ANPEP: variants seen among roughly 807,000 people sequenced by gnomAD.
ANPEP encodes alanyl aminopeptidase, membrane, also known as aminopeptidase N.
In ANPEP, 70 loss-of-function variants were observed where a neutral mutation model predicts 114.6. The ratio of observed to expected loss-of-function variants is 0.61; its 90% CI spans 0.50 to 0.75. The LOEUF is 0.75. Among genes scored for constraint, ANPEP ranks in the 30% least tolerant of loss-of-function variants. The pLI, the probability that ANPEP is intolerant of heterozygous loss-of-function variation, is 0.00. For synonymous variants in ANPEP, 548 were observed against 522.3 expected, an observed-to-expected ratio of 1.05 and a Z score of -0.67; for missense variants, 1,184 against 1,259.5, an observed-to-expected ratio of 0.94 and a Z score of 0.91.
At position 89,806,616 on chromosome 15, in the gene ANPEP, A is replaced by G. The variant is rs1426609253; in HGVS notation, c.-33T>C. On this transcript the variant is annotated 5_prime_UTR_variant, in exon 2 of 21. Transcript: ENST00000300060. This position sits in a 1 kb window ranked among gnomAD's most constrained non-coding sequence, Gnocchi z 5.7. ...GTGGGGAGGCGGCTCAGGGAGCCTC[A>G]GGCCAGGCAGAGAACGGAGCAGCCC... 6.5e-7 allele frequency: 1 copy of G among 1,540,146 alleles called. No homozygotes were observed. The highest frequency in any genetic ancestry group is 2.3e-5 in the East Asian group (1 of 43,016).
intron 20 of ANPEP, among the ~76,000 whole-genome samples, chr15:89,788,388 T>G (rs1308560020): frequency 6.6e-6 from 1 of 152,208 alleles, no homozygotes; most frequent in Non-Finnish European, 1.5e-5. Context: ...TGTGTGTATA[T>G]GATTCCATTT....
chr15:89,801,713 T>C (rs1338236399), intron 10 of ANPEP, 106 bp from the exon 11 acceptor site: 4 of 1,319,846 alleles, frequency 3.0e-6, no homozygotes, highest in Non-Finnish European at 4.2e-6. Flanking sequence ...GCCACTTGTA[T>C]GGGAGGCCTG....
intron 1 of ANPEP, among the ~76,000 whole-genome samples, chr15:89,810,320 A>G (rs936487333): frequency 7.2e-5 from 11 of 152,290 alleles, no homozygotes; most frequent in African/African-American, 2.6e-4. Context: ...CAGAGGTTGC[A>G]GTGAGCCGAG....
chr15:89,790,832 G>A, intron 19 of ANPEP, 121 bp downstream of exon 19: 6 of 1,302,952 alleles, frequency 4.6e-6, no homozygotes, highest in South Asian at 1.4e-5. Context: ...CTAGCCCCCA[G>A]GCTTGGCTGA....
Position 89,790,561 on chromosome 15 carries a change from T to C in ANPEP, c.2670-20A>G. ...CCATAACTGCAGGGAGGGAGAGAGG[T>C]GAACTGTGAGGGAGGCCGGGAACTA... is the stretch of plus-strand genomic sequence containing the variant. On this transcript the variant is annotated intron_variant, in intron 19 of 20. Transcript: ENST00000300060. 6.2e-7 allele frequency: 1 copy of C among 1,607,528 alleles called. No homozygotes were observed. Among genetic ancestry groups the C allele is most frequent in the African/African-American group, 1.3e-5 (1 of 74,648 alleles).
chr15:89,793,073 G>A lies in ANPEP; in HGVS notation c.2211C>T (p.Thr737=). ...TTTCTGGGATCTCCCTCCAGTTGTT[G>A]GTATTATTTCTGAAGTGAATGAAGA... ...TPLFIHFRNN[T]NNWREIPENL... The change falls in exon 16 of 21, where the codon ACC becomes ACT. Residue 737 remains threonine, a synonymous_variant. Coordinates refer to ENST00000300060, the MANE Select transcript of ANPEP (RefSeq NM_001150.3). The A allele has an allele frequency of 6.2e-7, 1 of 1,614,092 alleles. No homozygotes were observed. Among genetic ancestry groups the A allele is most frequent in the Non-Finnish European group, 8.5e-7 (1 of 1,179,966 alleles).
intron 1 of ANPEP, among the ~76,000 whole-genome samples, chr15:89,813,957 A>G (rs1359610525): frequency 7.1e-6 from 1 of 140,296 alleles, no homozygotes; most frequent in Admixed American, 6.8e-5. Context: ...CCCAGGACAT[A>G]GCCCACCTGG....
chr15:89,791,975 A>T (rs1012536642), intron 18 of ANPEP, among the ~76,000 whole-genome samples, 185 bp downstream of exon 18: 1 of 152,220 alleles, frequency 6.6e-6, no homozygotes, highest in Admixed American at 6.5e-5. Flanking sequence ...CCCAGACCTG[A>T]GTCCATATCT....
chr15:89,797,520 C>T (rs1968752059), intron 15 of ANPEP, 55 bp downstream of exon 15: 3 of 1,570,398 alleles, frequency 1.9e-6, no homozygotes, highest in Non-Finnish European at 2.6e-6. Context: ...CCTAATAGTG[C>T]ACTTTCAGGC....
chr15:89,810,254 C>T (rs1356272906), intron 1 of ANPEP, among the ~76,000 whole-genome samples: 2 of 152,074 alleles, frequency 1.3e-5, no homozygotes, highest in African/African-American at 4.8e-5. Context: ...TAGCAGGTGC[C>T]CGTAATCCCA....
intron 12 of ANPEP, among the ~76,000 whole-genome samples, chr15:89,800,523 G>A (rs1260592480): frequency 6.6e-6 from 1 of 151,070 alleles, no homozygotes; most frequent in Non-Finnish European, 1.5e-5. Flanking sequence ...CATGTGCCAG[G>A]CACTACTTTA....
At chr15:89,809,363 C>G (rs1365378026) in intron 1 of ANPEP, among the ~76,000 whole-genome samples, 1 of 152,230 alleles carries the variant, frequency 6.6e-6, no homozygotes, top group Non-Finnish European at 1.5e-5. Context: ...AGAAAGAGGC[C>G]CTGCCTGGCC....
intron 17 of ANPEP, 61 bp downstream of exon 17, chr15:89,792,391 G>C (rs906744139): frequency 2.5e-6 from 4 of 1,612,926 alleles, no homozygotes; most frequent in Non-Finnish European, 2.5e-6. Context: ...GGGTTCTGCT[G>C]AGGACGGGGC....
At position 89,806,764 on chromosome 15, in the gene ANPEP, A is replaced by G; in HGVS notation, c.-181T>C. Reference sequence around the variant, plus strand: ...GCAGGGGCACGCTCCGCCTGGGGAGAGGAGATCCAGGAACGGTGTGTGGAG... The same window carrying G: ...GCAGGGGCACGCTCCGCCTGGGGAGGGGAGATCCAGGAACGGTGTGTGGAG... On this transcript the variant is annotated 5_prime_UTR_variant, in exon 2 of 21. Coordinates refer to ENST00000300060, the MANE Select transcript of ANPEP (RefSeq NM_001150.3). The surrounding 1 kb of genome is among the most constrained non-coding windows in gnomAD (Gnocchi z 5.7). 1.0e-6 allele frequency: 1 copy of G among 957,072 alleles called. No individual in the cohort carries two copies. Among genetic ancestry groups the G allele is most frequent in the Non-Finnish European group, 1.5e-6 (1 of 670,682 alleles). The allele number at this position is 957,072 out of a possible 1,614,324, so 59.3% of individuals were successfully genotyped here.
rs766785497 is a variant in ANPEP at position 89,799,603 on chromosome 15, T to C, written c.1820-44A>G. 12 of 1,613,196 alleles carry C rather than the reference T, an allele frequency of 7.4e-6. No homozygotes were observed. The highest frequency in any genetic ancestry group is 1.0e-5 in the Non-Finnish European group (12 of 1,179,618). The stretch of plus-strand genomic sequence containing the variant: ...CCTGGGCAGGGCTGCTCAGAGGCCA[T>C]GGGCTGACCCCTGGACCTCTTGCAA... On this transcript the variant is annotated intron_variant, in intron 12 of 20. Coordinates refer to ENST00000300060, the MANE Select transcript of ANPEP (RefSeq NM_001150.3). This position sits in a 1 kb window ranked among gnomAD's most constrained non-coding sequence, Gnocchi z 4.2.
Position 89,806,781 on chromosome 15 carries a change from T to C in ANPEP, c.-198A>G. 5.9e-6 allele frequency: 5 copies of C among 841,122 alleles called. No homozygotes were observed. The South Asian group carries it at 1.0e-4, about 17-fold the overall frequency. The allele number at this position is 841,122 out of a possible 1,614,324, so 52.1% of individuals were successfully genotyped here. A position where few individuals can be genotyped will look rare whatever the true frequency, so the allele number is the denominator to read the frequency against. ...CTGGGGAGAGGAGATCCAGGAACGG[T>C]GTGTGGAGCTGGGCTCGGGGGGTGC... On this transcript the variant is annotated 5_prime_UTR_variant, in exon 2 of 21. Transcript: ENST00000300060. The surrounding 1 kb of genome is among the most constrained non-coding windows in gnomAD (Gnocchi z 5.7).
chr15:89,791,738 C>T (rs1221514606), intron 18 of ANPEP, among the ~76,000 whole-genome samples: 3 of 151,962 alleles, frequency 2.0e-5, no homozygotes, highest in East Asian at 3.9e-4. Flanking sequence ...CAGGTATGAG[C>T]CACCACACCC....
In ANPEP at chr15:89,806,803, G is replaced by A. The variant is rs1596170748; in HGVS notation, c.-220C>T. Reference sequence around the variant, plus strand: ...CGGTGTGTGGAGCTGGGCTCGGGGGGTGCCTGCTGGAAGCAAACAGTGTCT... The same window carrying A: ...CGGTGTGTGGAGCTGGGCTCGGGGGATGCCTGCTGGAAGCAAACAGTGTCT... On this transcript the variant is annotated 5_prime_UTR_variant, in exon 2 of 21. Transcript: ENST00000300060. This position sits in a 1 kb window ranked among gnomAD's most constrained non-coding sequence, Gnocchi z 5.7. 1.0e-5 allele frequency: 7 copies of A among 673,944 alleles called. No individual in the cohort carries two copies. The highest frequency in any genetic ancestry group is 8.7e-5 in the East Asian group (3 of 34,348). The allele number at this position is 673,944 out of a possible 1,614,324, so 41.7% of individuals were successfully genotyped here.
In ANPEP at chr15:89,803,084, C is replaced by T. The variant is rs1228000703; in HGVS notation, c.1569+155G>A. ...CTCTTGCAAGGAGCCATCCCGGCTT[C>T]CACTATAGGGAGGAGCAACAGAGGC... On this transcript the variant is annotated intron_variant, in intron 10 of 20. Coordinates refer to ENST00000300060, the MANE Select transcript of ANPEP (RefSeq NM_001150.3). The surrounding 1 kb of genome is among the most constrained non-coding windows in gnomAD (Gnocchi z 4.2). 6.6e-6 allele frequency among the ~76,000 whole-genome samples: 1 copy of T among 152,170 alleles called. No homozygotes were observed. Among genetic ancestry groups the T allele is most frequent in the Non-Finnish European group, 1.5e-5 (1 of 68,016 alleles).
Sources: gnomAD v4.1 joint callset for allele counts (sites outside exome capture counted in the v4.1 genomes callset) on GRCh38, gnomAD v4.1.1 for gene constraint, Gnocchi (gnomAD v3.1) non-coding constraint, MANE v1.5 for transcripts, NCBI Gene and HGNC (gene_info 2026-07-23, HGNC 2026-07-21) for gene names.